DPP10: variants seen among roughly 807,000 people sequenced by gnomAD.
DPP10 encodes dipeptidyl peptidase like 10.
A neutral mutation model predicts 120.9 loss-of-function variants in DPP10; 33 were observed. That is an observed-to-expected ratio of 0.27 (90% confidence interval 0.21 to 0.37). DPP10 has a LOEUF of 0.37. Ranked by LOEUF, DPP10 falls within the 10% of genes least tolerant of loss-of-function variation. DPP10 has a pLI of 1.00. For missense variants in DPP10, 816 were observed against 942.8 expected (o/e 0.87, Z 1.76); for synonymous variants, 337 against 326.1 (o/e 1.03, Z -0.36).
chr2:114,447,034 A>ATTTTTT (rs3981301), intron 1 of DPP10, among the ~76,000 whole-genome samples: 1 of 138,364 alleles, frequency 7.2e-6, no homozygotes, highest in African/African-American at 2.7e-5. Flanking sequence ...TGGTTGTTAA[A>ATTTTTT]TTTTTTTTTT....
chr2:115,059,642 C>T (rs1278915096), intron 1 of DPP10, among the ~76,000 whole-genome samples: 1 of 134,784 alleles, frequency 7.4e-6, no homozygotes, highest in East Asian at 2.2e-4. Flanking sequence ...TCTATTTCAA[C>T]ACGATTTGGA....
At chr2:114,820,999 T>A (rs929118402) in intron 1 of DPP10, among the ~76,000 whole-genome samples, 2 of 152,120 alleles carry the variant, frequency 1.3e-5, no homozygotes, top group African/African-American at 4.8e-5. Context: ...GAGTTTAATA[T>A]GCAAGAAGGA....
At position 114,728,470 on chromosome 2, in the gene DPP10, A is replaced by G. The variant is rs536695350; in HGVS notation, c.60+285632A>G. Among the ~76,000 whole-genome samples, 101 of 152,122 alleles carry G rather than the reference A, an allele frequency of 6.6e-4. 1 individual carries two copies. The Middle Eastern group carries it at 0.024, about 36-fold the overall frequency. ...TGACTCTCCCACCCTCTGGTTAAAAACCTTAATCCTAGGTGACAGGAGTAG... is the reference window on the plus strand; with the variant it reads ...TGACTCTCCCACCCTCTGGTTAAAAGCCTTAATCCTAGGTGACAGGAGTAG... On this transcript the variant is annotated intron_variant, in intron 1 of 25. Coordinates refer to ENST00000410059, the MANE Select transcript of DPP10 (RefSeq NM_020868.6).
chr2:114,831,937 CTT>C (rs1179345261), intron 1 of DPP10, among the ~76,000 whole-genome samples: 5 of 149,960 alleles, frequency 3.3e-5, no homozygotes, highest in African/African-American at 1.2e-4. Flanking sequence ...CCAAACCTCT[CTT>C]CTCTCTCTTT....
chr2:115,041,599 A>G (rs545962358), intron 1 of DPP10, among the ~76,000 whole-genome samples: 83 of 152,248 alleles, frequency 5.5e-4, no homozygotes, highest in African/African-American at 1.9e-3. Flanking sequence ...TACATTTTTC[A>G]TAGTAACAGC....
chr2:115,723,615 G>GTTTTTT (rs1288062873), intron 7 of DPP10, among the ~76,000 whole-genome samples: 1 of 29,798 alleles, frequency 3.4e-5, no homozygotes, highest in African/African-American at 4.5e-5. Context: ...TGTTGTTGTT[G>GTTTTTT]TTTTTTGTTT....
At chr2:115,493,839 CTGT>C (rs2076254721) in intron 3 of DPP10, among the ~76,000 whole-genome samples, 1 of 152,028 alleles carries the variant, frequency 6.6e-6, no homozygotes. Context: ...GCTTGTATGG[CTGT>C]TATGGAGAAC....
At chr2:115,648,594 C>T (rs2149370238) in intron 5 of DPP10, among the ~76,000 whole-genome samples, 1 of 149,960 alleles carries the variant, frequency 6.7e-6, no homozygotes, top group East Asian at 2.0e-4. Context: ...GCAAATCCTG[C>T]ACATGTACCC....
At chr2:115,560,431 TATATATATATATATAC>T (rs2080561051) in intron 5 of DPP10, among the ~76,000 whole-genome samples, 1 of 74,668 alleles carries the variant, frequency 1.3e-5, no homozygotes, top group Admixed American at 1.9e-4. Context: ...TATATATATA[TATATATATATATATAC>T]GACAAGCTAC....
At chr2:114,919,219 A>C (rs1695024541) in intron 1 of DPP10, among the ~76,000 whole-genome samples, 1 of 152,140 alleles carries the variant, frequency 6.6e-6, no homozygotes, top group South Asian at 2.1e-4. Context: ...ATGAGGCATA[A>C]CATCAAGTTT....
chr2:115,460,470 T>C (rs2073922632), intron 3 of DPP10, among the ~76,000 whole-genome samples: 1 of 152,180 alleles, frequency 6.6e-6, no homozygotes, highest in Admixed American at 6.6e-5. Context: ...TAGACTTAAG[T>C]GTTGCTTTTC....
chr2:115,317,785 A>G (rs1000194266), intron 2 of DPP10, among the ~76,000 whole-genome samples: 5 of 152,068 alleles, frequency 3.3e-5, no homozygotes, highest in African/African-American at 7.2e-5. Context: ...AGATAGATCT[A>G]TTTAAGCCTG....
In DPP10 at chr2:115,451,669, T is replaced by C. The variant is rs183415225; in HGVS notation, c.272-47841T>C. On this transcript the variant is annotated intron_variant, in intron 3 of 25. Coordinates refer to ENST00000410059, the MANE Select transcript of DPP10 (RefSeq NM_020868.6). The stretch of plus-strand genomic sequence containing the variant: ...GAAATTTATGTCTTTTAAGAAGTAC[T>C]TTATTCTCATTCAACAATGTTTGCA... Among the ~76,000 whole-genome samples, 13 of 152,130 alleles carry C rather than the reference T, an allele frequency of 8.5e-5. No homozygotes were observed. The East Asian group carries it at 2.5e-3, about 29-fold the overall frequency.
chr2:114,957,407 C>T (rs1042107189), intron 1 of DPP10, among the ~76,000 whole-genome samples: 1 of 152,056 alleles, frequency 6.6e-6, no homozygotes, highest in Non-Finnish European at 1.5e-5. Context: ...GAGATATCAC[C>T]TCACATCTGT....
chr2:114,757,514 G>T (rs1186707690), intron 1 of DPP10, among the ~76,000 whole-genome samples: 1 of 152,140 alleles, frequency 6.6e-6, no homozygotes, highest in Non-Finnish European at 1.5e-5. Context: ...AGGGTGTTCA[G>T]GTACCAGAGA....
chr2:115,480,320 T>A (rs2075351984), intron 3 of DPP10, among the ~76,000 whole-genome samples: 3 of 152,094 alleles, frequency 2.0e-5, no homozygotes, highest in Admixed American at 2.0e-4. Flanking sequence ...TCCTTCCCAT[T>A]GTAGGTGTTA....
chr2:114,849,614 A>C (rs1407653188), intron 1 of DPP10, among the ~76,000 whole-genome samples: 4 of 151,930 alleles, frequency 2.6e-5, no homozygotes, highest in African/African-American at 9.7e-5. Flanking sequence ...GGCGTCCCAA[A>C]GTGCTGGGAT....
At chr2:115,311,841 C>T (rs190437150) in intron 2 of DPP10, among the ~76,000 whole-genome samples, 12 of 152,270 alleles carry the variant, frequency 7.9e-5, no homozygotes, top group Non-Finnish European at 1.8e-4. Flanking sequence ...TCATGGCTCA[C>T]TGCAGTCTTG....
At chr2:114,576,431 A>G (rs2105051933) in intron 1 of DPP10, among the ~76,000 whole-genome samples, 1 of 152,338 alleles carries the variant, frequency 6.6e-6, no homozygotes. Flanking sequence ...GAAAGGAGCT[A>G]CATTCTTAGA....
Sources: allele counts gnomAD v4.1 joint callset (sites outside exome capture counted in the v4.1 genomes callset), GRCh38; gene constraint gnomAD v4.1.1; transcripts MANE v1.5; gene names NCBI Gene and HGNC (gene_info 2026-07-23, HGNC 2026-07-21).